The following SPAG17 variants were observed in gnomAD, a reference collection of about 807,000 sequenced individuals.
SPAG17 encodes sperm associated antigen 17, also known as sperm-associated antigen 17.
A neutral mutation model predicts 273.6 loss-of-function variants in SPAG17; 169 were observed. The observed-to-expected ratio is 0.62, with a 90% CI of 0.55 to 0.70. SPAG17 has a LOEUF of 0.70. Among genes scored for constraint, SPAG17 ranks in the 30% least tolerant of loss-of-function variants. SPAG17 has a pLI of 0.00. For missense variants in SPAG17, 2,557 were observed against 2,627.8 expected, an observed-to-expected ratio of 0.97 and a Z score of 0.59; for synonymous variants, 825 against 873.2, an observed-to-expected ratio of 0.94 and a Z score of 0.97.
chr1:118,139,202 A>G (rs957854039), intron 3 of SPAG17, among the ~76,000 whole-genome samples: 1 of 152,222 alleles, frequency 6.6e-6, no homozygotes, highest in African/African-American at 2.4e-5. Context: ...GACAACAGAT[A>G]TATGAACAAT....
intron 17 of SPAG17, 114 bp from the exon 18 acceptor site, chr1:118,067,013 T>C (rs1473548660): frequency 2.1e-6 from 2 of 933,704 alleles, no homozygotes; most frequent in Non-Finnish European, 3.0e-6. Context: ...TCTACATTGT[T>C]AGTCAAGTTG....
In SPAG17 at chr1:118,026,265, C is replaced by A. The variant is rs1275668602; in HGVS notation, c.3731-849G>T. 2.0e-5 allele frequency among the ~76,000 whole-genome samples: 3 copies of A among 152,148 alleles called. No homozygotes were observed. The East Asian group carries it at 5.8e-4, about 29-fold the overall frequency. On this transcript the variant is annotated intron_variant, in intron 26 of 48. Transcript: ENST00000336338. ...TAGCTGGCAATCAAGGAGAAAAGCA[C>A]CTAATAAGCTCCTTCAAAAGCAAGC...
chr1:118,079,045 A>G (rs1055895149), intron 15 of SPAG17, among the ~76,000 whole-genome samples: 7 of 152,214 alleles, frequency 4.6e-5, no homozygotes, highest in South Asian at 2.1e-4. Context: ...TTGTACCACT[A>G]TCCTTGTCAG....
chr1:117,959,449 A>G, intron 48 of SPAG17: 2 of 1,597,482 alleles, frequency 1.3e-6, no homozygotes, highest in Non-Finnish European at 1.7e-6. Context: ...TTGACTTAGA[A>G]CTGAAATGTG....
In SPAG17 at chr1:117,970,195, TAAGG is replaced by T. The variant is rs1450527293; in HGVS notation, c.6327-83_6327-80del. On this transcript the variant is annotated intron_variant, in intron 45 of 48. Transcript: ENST00000336338. ...ATGAATAAGCTGGGATGTTATAAAA[TAAGG>T]AAGGTGTTAATATTTGCTACACAGG... The T allele has an allele frequency of 8.5e-6, 12 of 1,417,820 alleles. No homozygotes were observed. The Admixed American group carries it at 2.5e-4, about 29-fold the overall frequency. 87.8% of individuals were successfully genotyped at this position (1,417,820 alleles called of 1,614,324 possible). A position where few individuals can be genotyped will look rare whatever the true frequency, so the allele number is the denominator to read the frequency against.
At chr1:118,082,684 A>C (rs1654677961) in intron 13 of SPAG17, among the ~76,000 whole-genome samples, 2 of 152,260 alleles carry the variant, frequency 1.3e-5, no homozygotes, top group East Asian at 3.8e-4. Context: ...AAGAGATGAC[A>C]AAAAGAATAA....
Position 118,068,368 on chromosome 1 carries a change from T to C in SPAG17, c.2386-1469A>G, listed in dbSNP as rs75751575. Among the ~76,000 whole-genome samples the C allele has an allele frequency of 9.6e-4, 146 of 152,218 alleles. 2 individuals are homozygous for C. The East Asian group carries it at 0.024, about 25-fold the overall frequency. On this transcript the variant is annotated intron_variant, in intron 17 of 48. Coordinates refer to ENST00000336338, the MANE Select transcript of SPAG17 (RefSeq NM_206996.4). The stretch of plus-strand genomic sequence containing the variant: ...ATCTTTGCATTTTAAAATATTGTTA[T>C]GTAGGGTATCATCTAGTACTTACTG...
At chr1:118,155,813 A>G (rs1659619315) in intron 1 of SPAG17, among the ~76,000 whole-genome samples, 2 of 152,216 alleles carry the variant, frequency 1.3e-5, no homozygotes, top group South Asian at 2.1e-4. Flanking sequence ...TGCAAAATGG[A>G]CAGGGATTTG....
chr1:118,013,743 G>A (rs1040950052), intron 29 of SPAG17, among the ~76,000 whole-genome samples: 6 of 152,032 alleles, frequency 3.9e-5, no homozygotes, highest in African/African-American at 9.7e-5. Context: ...ATTTCGTAAC[G>A]CCACATAAAC....
chr1:118,163,114 A>ATT (rs990356891), intron 1 of SPAG17, among the ~76,000 whole-genome samples: 3 of 152,234 alleles, frequency 2.0e-5, no homozygotes, highest in African/African-American at 7.2e-5. Context: ...AAAAAAGAAA[A>ATT]TAATTTTTTG....
chr1:117,963,705 G>A, intron 48 of SPAG17, 94 bp downstream of exon 48: 1 of 1,215,530 alleles, frequency 8.2e-7, no homozygotes, highest in Non-Finnish European at 1.1e-6. Flanking sequence ...TGGCTTATAG[G>A]TTTCTGACTA....
At chr1:118,153,328 C>CA (rs1426461458) in intron 1 of SPAG17, among the ~76,000 whole-genome samples, 1 of 152,074 alleles carries the variant, frequency 6.6e-6, no homozygotes, top group African/African-American at 2.4e-5. Flanking sequence ...AACAAAGGTC[C>CA]AAAAAAGTTA....
At chr1:118,088,399 A>G (rs1655145151) in intron 10 of SPAG17, among the ~76,000 whole-genome samples, 1 of 152,234 alleles carries the variant, frequency 6.6e-6, no homozygotes, top group Non-Finnish European at 1.5e-5. Flanking sequence ...GATAAGATAA[A>G]TAAAATAATG....
chr1:117,980,046 G>C (rs1472258064), intron 43 of SPAG17, among the ~76,000 whole-genome samples: 4 of 152,066 alleles, frequency 2.6e-5, no homozygotes, highest in Non-Finnish European at 4.4e-5. Flanking sequence ...AGCTCCATCA[G>C]ATATGGGAGG....
intron 20 of SPAG17, among the ~76,000 whole-genome samples, chr1:118,047,812 G>A (rs1650536527): frequency 6.6e-6 from 1 of 151,716 alleles, no homozygotes; most frequent in Non-Finnish European, 1.5e-5. Context: ...CATAGACCCA[G>A]CCTCCAGGCT....
rs1360919334 is a variant in SPAG17, at chr1:117,983,930, A to G, written c.5770-17T>C. On this transcript the variant is annotated splice_polypyrimidine_tract_variant and intron_variant, in intron 41 of 48. Transcript: ENST00000336338. ...GTGATTATACTGAAAGGAAAAAAAA[A>G]CTTATTTTAGACTTATACATGGCTG... 6 of 1,449,648 alleles carry G rather than the reference A, an allele frequency of 4.1e-6. No individual in the cohort carries two copies. Among genetic ancestry groups the G allele is most frequent in the African/African-American group, 2.8e-5 (2 of 71,232 alleles). The allele number at this position is 1,449,648 out of a possible 1,614,324, so 89.8% of individuals were successfully genotyped here. A position where few individuals can be genotyped will look rare whatever the true frequency, so the allele number is the denominator to read the frequency against.
At chr1:118,173,017 T>A (rs1660490099) in intron 1 of SPAG17, among the ~76,000 whole-genome samples, 1 of 151,724 alleles carries the variant, frequency 6.6e-6, no homozygotes, top group African/African-American at 2.4e-5. Context: ...TCCCATATGA[T>A]AGGCTTGGAA....
rs757860448 is a variant in SPAG17, at chr1:117,981,370, T to G, written c.5904A>C (p.Lys1968Asn). The G allele has an allele frequency of 1.9e-5, 30 of 1,600,162 alleles. No individual in the cohort carries two copies. The Middle Eastern group carries it at 6.6e-4, about 35-fold the overall frequency. The change falls in exon 43 of 49, where the codon AAA (lysine) becomes AAC (asparagine). Residue 1968 changes from lysine (K) to asparagine (N), a missense_variant. By Grantham distance (94) the Lys-to-Asn change is moderately conservative (BLOSUM62 0). Coordinates refer to ENST00000336338, the MANE Select transcript of SPAG17 (RefSeq NM_206996.4). Reference sequence around the variant, plus strand: ...TTGGAAGACTAGGCACACTTGAGGATTTCTGTTCTGAAACCTTATGTGGCT... The same window carrying G: ...TTGGAAGACTAGGCACACTTGAGGAGTTCTGTTCTGAAACCTTATGTGGCT... ...DFKPHKVSEQ[K>N]SSSVPSLPKP...
intron 48 of SPAG17, among the ~76,000 whole-genome samples, chr1:117,954,411 G>A (rs1473368768): frequency 1.3e-5 from 2 of 152,074 alleles, no homozygotes; most frequent in East Asian, 1.9e-4. Context: ...GCTCATTCAT[G>A]AGTACTATAG....
Sources: gnomAD v4.1 joint callset for allele counts (sites outside exome capture counted in the v4.1 genomes callset) on GRCh38, gnomAD v4.1.1 for gene constraint, MANE v1.5 for transcripts, NCBI Gene and HGNC (gene_info 2026-07-23, HGNC 2026-07-21) for gene names.